The following ZSWIM4 variants were observed in gnomAD, a reference collection of about 807,000 sequenced individuals.
ZSWIM4 encodes the protein zinc finger SWIM domain-containing protein 4.
Under a neutral mutation model 102.5 loss-of-function variants are expected in ZSWIM4, and 62 were observed. The observed-to-expected ratio is 0.60, with a 90% confidence interval of 0.49 to 0.75. The LOEUF (loss-of-function observed/expected upper bound fraction) is 0.75, where lower values mean the gene tolerates loss of function less well. Ranked by LOEUF, ZSWIM4 falls within the 30% of genes least tolerant of loss-of-function variation. ZSWIM4 has a pLI of 0.00. For synonymous variants in ZSWIM4, 652 were observed against 674.5 expected, an observed-to-expected ratio of 0.97 and a Z score of 0.52; for missense variants, 1,280 against 1,529.6, an observed-to-expected ratio of 0.84 and a Z score of 2.72.
chr19:13,825,726 A>AG lies in ZSWIM4; in HGVS notation c.2379+15dup, dbSNP rs974974153. Reference sequence around the variant, plus strand: ...GCTGGGGCTGCAGGTGAGGGCTGCCAGGTGGATGCGGGAGGGCGATGGTGG... The same window carrying AG: ...GCTGGGGCTGCAGGTGAGGGCTGCCAGGGTGGATGCGGGAGGGCGATGGTGG... On this transcript the variant is annotated intron_variant, in intron 12 of 13. Coordinates refer to ENST00000590508, the MANE Select transcript of ZSWIM4 (RefSeq NM_001367834.3). This position sits in a 1 kb window ranked among gnomAD's most constrained non-coding sequence, Gnocchi z 4.6. 4 of 1,602,088 alleles carry AG rather than the reference A, an allele frequency of 2.5e-6. No homozygotes were observed. In the African/African-American group the frequency reaches 5.3e-5, roughly 21 times the overall value.
chr19:13,798,870 C>A (rs1599576193), intron 1 of ZSWIM4, among the ~76,000 whole-genome samples: 1 of 152,132 alleles, frequency 6.6e-6, no homozygotes, highest in East Asian at 1.9e-4. Flanking sequence ...CTCACTGCAA[C>A]CTCCGCCTCC....
At chr19:13,800,672 G>C (rs10420307) in intron 2 of ZSWIM4, among the ~76,000 whole-genome samples, 67,960 of 151,868 alleles carry the variant, frequency 0.45, 18,516 homozygotes, top group African/African-American at 0.78. Context: ...CTCCCAAAGT[G>C]CTGGGATTAC....
chr19:13,806,277 A>G (rs1002014268), intron 3 of ZSWIM4, among the ~76,000 whole-genome samples: 1 of 151,586 alleles, frequency 6.6e-6, no homozygotes, highest in Middle Eastern at 3.2e-3. Context: ...TTCTGACCTC[A>G]GGTGATCCAC....
chr19:13,821,551 T>C (rs918012237), intron 10 of ZSWIM4, among the ~76,000 whole-genome samples: 2 of 152,084 alleles, frequency 1.3e-5, no homozygotes, highest in Non-Finnish European at 2.9e-5. Flanking sequence ...TCTCTCTCTT[T>C]TTTTTGTCCT....
intron 8 of ZSWIM4, 44 bp from the exon 9 acceptor site, chr19:13,817,678 G>C (rs1414160325): frequency 2.4e-5 from 39 of 1,598,906 alleles, no homozygotes; most frequent in Non-Finnish European, 3.2e-5. Context: ...GGGACCTTAG[G>C]GAAGGGGATC....
At chr19:13,816,024 C>CAG (rs1280681819) in intron 7 of ZSWIM4, among the ~76,000 whole-genome samples, 1 of 100,746 alleles carries the variant, frequency 9.9e-6, no homozygotes, top group Non-Finnish European at 1.9e-5. Flanking sequence ...GAGGGAGGGA[C>CAG]AGAGAGAGAT....
rs34724629 is a variant in ZSWIM4 at position 13,832,230 on chromosome 19, C to CAAAAAAAA, written c.*1197_*1204dup. 51 of 55,262 alleles carry CAAAAAAAA rather than the reference C, an allele frequency of 9.2e-4. No individual in the cohort carries two copies. Among genetic ancestry groups the CAAAAAAAA allele is most frequent in the African/African-American group, 3.3e-3 (45 of 13,704 alleles). The allele number at this position is 55,262 out of a possible 1,614,324, so 3.4% of individuals were successfully genotyped here. The stretch of plus-strand genomic sequence containing the variant: ...CACACCCTCAACCTCGTTTCCTCCG[C>CAAAAAAAA]AAAAAAAAAAAAAAAAAAAAAAAAT... On this transcript the variant is annotated 3_prime_UTR_variant, in exon 14 of 14. Coordinates refer to ENST00000590508, the MANE Select transcript of ZSWIM4 (RefSeq NM_001367834.3).
At chr19:13,820,986 A>G (rs1235908385) in intron 10 of ZSWIM4, among the ~76,000 whole-genome samples, 2 of 152,040 alleles carry the variant, frequency 1.3e-5, no homozygotes, top group Admixed American at 1.3e-4. Flanking sequence ...GAAGGAGAAT[A>G]TTTGAAAGCC....
At chr19:13,805,662 T>A (rs1974899966) in intron 3 of ZSWIM4, among the ~76,000 whole-genome samples, 1 of 151,396 alleles carries the variant, frequency 6.6e-6, no homozygotes, top group Non-Finnish European at 1.5e-5. Context: ...AGGGAGGTGC[T>A]GGGTGGGTAC....
intron 2 of ZSWIM4, among the ~76,000 whole-genome samples, chr19:13,802,357 G>A (rs1437859997): frequency 4.6e-5 from 7 of 151,210 alleles, no homozygotes; most frequent in Non-Finnish European, 8.9e-5. Context: ...GGGCTGAGGC[G>A]GGTGGATCAC....
intron 5 of ZSWIM4, among the ~76,000 whole-genome samples, chr19:13,811,870 A>T (rs113478509): frequency 0.018 from 2,795 of 152,068 alleles, 85 homozygotes; most frequent in African/African-American, 0.064. Context: ...AGGTCAGGAG[A>T]TCGAGACCAG....
intron 7 of ZSWIM4, among the ~76,000 whole-genome samples, chr19:13,816,743 G>A (rs1018527749): frequency 4.6e-5 from 7 of 152,204 alleles, no homozygotes; most frequent in Admixed American, 3.3e-4. Context: ...AGGGAAGAGA[G>A]TACGTGGCTT....
rs747783193 is a variant in ZSWIM4 at position 13,830,194 on chromosome 19, C to T, written c.2465C>T (p.Pro822Leu). 6.2e-6 allele frequency: 10 copies of T among 1,607,890 alleles called. No homozygotes were observed. The highest frequency in any genetic ancestry group is 4.5e-5 in the East Asian group (2 of 44,744). ...TCCCTCCCTCACCTCCCACCAGGCC[C>T]GCAAGCCCTGATGAATATCATGCAG... ...WLVSCATEIG[P>L]QALMNIMQNW... Residue 822 changes from proline to leucine, a missense_variant, in exon 14 of 14, where the codon CCG (proline) becomes CTG (leucine). By Grantham distance (98) the Pro-to-Leu change is moderately conservative. Coordinates refer to ENST00000590508, the MANE Select transcript of ZSWIM4 (RefSeq NM_001367834.3).
chr19:13,813,940 G>A (rs895388958), intron 6 of ZSWIM4, among the ~76,000 whole-genome samples: 9 of 148,424 alleles, frequency 6.1e-5, no homozygotes, highest in Non-Finnish European at 1.2e-4. Context: ...AAAAAAGAAA[G>A]AAAGAAAGAA....
chr19:13,801,025 C>T (rs543162680), intron 2 of ZSWIM4, among the ~76,000 whole-genome samples: 4 of 152,054 alleles, frequency 2.6e-5, no homozygotes, highest in African/African-American at 9.7e-5. Context: ...TGCCTGTGGT[C>T]CCAGGTACAT....
rs1054793203 is a variant in ZSWIM4, at chr19:13,817,862, G to A, written c.1810G>A (p.Ala604Thr). The A allele has an allele frequency of 1.9e-6, 3 of 1,556,862 alleles. No individual in the cohort carries two copies. Among genetic ancestry groups the A allele is most frequent in the African/African-American group, 2.7e-5 (2 of 73,766 alleles). Residue 604 changes from alanine to threonine, a missense_variant, in exon 9 of 14, where the codon GCC (alanine) becomes ACC (threonine). Physicochemically the swap from Ala to Thr is moderately conservative, Grantham distance 58. Coordinates refer to ENST00000590508, the MANE Select transcript of ZSWIM4 (RefSeq NM_001367834.3). ...GCGGGCCCTGCCGGAGGGGCTGTAC[G>A]CCCAGGACAAGGTGGTGCGCAACGA... ...QQRALPEGLY[A>T]QDKVVRNEEQ...
At chr19:13,804,158 C>G (rs1171607831) in intron 2 of ZSWIM4, among the ~76,000 whole-genome samples, 1 of 151,760 alleles carries the variant, frequency 6.6e-6, no homozygotes, top group Non-Finnish European at 1.5e-5. Flanking sequence ...GCCACTGCGC[C>G]GGGCTGTCTC....
At chr19:13,817,031 TG>T (rs1170069168) in intron 7 of ZSWIM4, among the ~76,000 whole-genome samples, 184 bp from the exon 8 acceptor site, 1 of 152,052 alleles carries the variant, frequency 6.6e-6, no homozygotes, top group Non-Finnish European at 1.5e-5. Context: ...ATTGGGCCAC[TG>T]CACTCCAGCC....
chr19:13,796,604 ACCTAT>A (rs1299230307), intron 1 of ZSWIM4: 1 of 152,334 alleles, frequency 6.6e-6, no homozygotes, highest in Non-Finnish European at 1.5e-5. Context: ...CATCCCCCTG[ACCTAT>A]CCTATCTCTT....
Sources: allele counts gnomAD v4.1 joint callset (sites outside exome capture counted in the v4.1 genomes callset), GRCh38; gene constraint gnomAD v4.1.1; non-coding constraint Gnocchi (gnomAD v3.1); transcripts MANE v1.5; gene names NCBI Gene and HGNC (gene_info 2026-07-23, HGNC 2026-07-21).